Variants in KIF6 observed in about 807,000 individuals in gnomAD.
KIF6 encodes the protein kinesin family member 6.
Under a neutral mutation model 112.7 loss-of-function variants are expected in KIF6, and 106 were observed. The observed-to-expected ratio is 0.94, with a 90% CI of 0.80 to 1.11. KIF6 has a LOEUF of 1.11. Among genes scored for constraint, KIF6 ranks in the 50% least tolerant of loss-of-function variants. The probability of loss-of-function intolerance (pLI) is 0.00; values close to 1 mark genes in which losing one functional copy is unlikely to be tolerated. For missense variants in KIF6, 929 were observed against 964.0 expected (o/e 0.96, Z 0.48); for synonymous variants, 339 against 339.9 (o/e 1.00, Z 0.03).
chr6:39,364,647 T>C (rs1765429747), intron 16 of KIF6, among the ~76,000 whole-genome samples: 1 of 152,194 alleles, frequency 6.6e-6, no homozygotes, highest in African/African-American at 2.4e-5. Flanking sequence ...GGACTTTCTA[T>C]GTTCTAAGTT....
intron 6 of KIF6, among the ~76,000 whole-genome samples, chr6:39,607,814 TAACA>T (rs1303360110): frequency 1.3e-5 from 2 of 152,228 alleles, no homozygotes; most frequent in East Asian, 3.8e-4. Context: ...ACAAATTTTA[TAACA>T]AACTTGCTAA....
intron 14 of KIF6, among the ~76,000 whole-genome samples, chr6:39,429,775 G>A (rs577188029): frequency 6.6e-6 from 1 of 152,072 alleles, no homozygotes; most frequent in Non-Finnish European, 1.5e-5. Flanking sequence ...AGGTGTGGTG[G>A]CGGGTGCCTG....
intron 6 of KIF6, among the ~76,000 whole-genome samples, chr6:39,597,442 A>G (rs1027791006): frequency 6.6e-6 from 1 of 152,232 alleles, no homozygotes; most frequent in African/African-American, 2.4e-5. Flanking sequence ...AGGAGCAGAC[A>G]GCTAGGTCAG....
At chr6:39,680,002 G>A (rs1387191764) in intron 3 of KIF6, among the ~76,000 whole-genome samples, 1 of 150,882 alleles carries the variant, frequency 6.6e-6, no homozygotes, top group Non-Finnish European at 1.5e-5. Context: ...AACAAGTATA[G>A]TTAGTTTTTT....
chr6:39,697,408 A>T (rs566878890), intron 3 of KIF6, among the ~76,000 whole-genome samples: 2 of 152,214 alleles, frequency 1.3e-5, no homozygotes, highest in Non-Finnish European at 2.9e-5. Context: ...GGAAACTGAG[A>T]CTGAAGTCAA....
Position 39,331,997 on chromosome 6 carries a change from G to C in KIF6, c.*4535C>G, listed in dbSNP as rs1762758521. 1 of 151,036 alleles carries C rather than the reference G, an allele frequency of 6.6e-6. No individual in the cohort carries two copies. Among genetic ancestry groups the C allele is most frequent in the African/African-American group, 2.4e-5 (1 of 40,976 alleles). The allele number at this position is 151,036 out of a possible 1,614,324, so 9.4% of individuals were successfully genotyped here. On this transcript the variant is annotated 3_prime_UTR_variant, in exon 23 of 23. Transcript: ENST00000287152. ...AGTTTCACTCTTGTTGCCCAAGCTG[G>C]AGTGCAATGGCACAATTTCGGCTCA...
intron 3 of KIF6, among the ~76,000 whole-genome samples, chr6:39,662,409 A>T (rs1786205744): frequency 6.6e-6 from 1 of 152,216 alleles, no homozygotes; most frequent in African/African-American, 2.4e-5. Flanking sequence ...TAATTAGCTA[A>T]ATTAGAATTG....
intron 13 of KIF6, among the ~76,000 whole-genome samples, chr6:39,449,112 C>T (rs1204702022): frequency 6.6e-6 from 1 of 152,210 alleles, no homozygotes; most frequent in African/African-American, 2.4e-5. Context: ...CAAGTCGTTG[C>T]CATTTCTTCT....
intron 13 of KIF6, among the ~76,000 whole-genome samples, chr6:39,502,553 C>T (rs1002927191): frequency 1.3e-5 from 2 of 152,108 alleles, no homozygotes; most frequent in Non-Finnish European, 2.9e-5. Context: ...GAATGGCAAG[C>T]AGGATAAAAA....
At chr6:39,452,585 G>T (rs1193058649) in intron 13 of KIF6, among the ~76,000 whole-genome samples, 3 of 152,210 alleles carry the variant, frequency 2.0e-5, no homozygotes, top group Admixed American at 2.0e-4. Context: ...GGGGCTCCCA[G>T]TCTGGCACAA....
Position 39,691,033 on chromosome 6 carries a change from C to T in KIF6, c.251+23659G>A, listed in dbSNP as rs553782240. ...AATTTTATGGGTATGACCCATGCAA[C>T]ATTTGGGACATATTTATACTAAAAA... On this transcript the variant is annotated intron_variant, in intron 3 of 22. Transcript: ENST00000287152. The T allele has an allele frequency of 2.6e-3, 393 of 152,308 alleles. 3 individuals carry two copies. Among genetic ancestry groups the T allele is most frequent in the African/African-American group, 8.5e-3 (355 of 41,558 alleles). The allele number at this position is 152,308 out of a possible 1,614,324, so 9.4% of individuals were successfully genotyped here.
intron 12 of KIF6, among the ~76,000 whole-genome samples, chr6:39,541,968 A>G (rs192761046): frequency 6.6e-6 from 1 of 152,192 alleles, no homozygotes; most frequent in Admixed American, 6.5e-5. Flanking sequence ...AAATGTTGAT[A>G]GTGCCAAGGC....
rs1491446959 is a variant in KIF6, at chr6:39,337,158, T to TCCTTCCTTCCTTC, written c.2429-611_2429-610insGAAGGAAGGAAGG. Among the ~76,000 whole-genome samples, 84 of 71,216 alleles carry TCCTTCCTTCCTTC rather than the reference T, an allele frequency of 1.2e-3. 3 individuals are homozygous for TCCTTCCTTCCTTC. The highest frequency in any genetic ancestry group is 3.4e-3 in the East Asian group (9 of 2,610). 46.7% of individuals were successfully genotyped at this position (71,216 alleles called of 152,430 possible). On this transcript the variant is annotated intron_variant, in intron 22 of 22. Transcript: ENST00000287152. ...TTCCTTCCTTCCTTTCTCTTTCTTT[T>TCCTTCCTTCCTTC]CTTTCTTTCCTTCCTTCTTTCTTTC...
At chr6:39,653,564 A>T (rs899732106) in intron 3 of KIF6, among the ~76,000 whole-genome samples, 3 of 152,238 alleles carry the variant, frequency 2.0e-5, no homozygotes, top group Non-Finnish European at 4.4e-5. Context: ...GATGCCTGAC[A>T]TCTAAAAACT....
chr6:39,417,406 A>G (rs10947809), intron 15 of KIF6, among the ~76,000 whole-genome samples: 113,233 of 152,230 alleles, frequency 0.74, 45,085 homozygotes, highest in South Asian at 0.9. Context: ...CACTGAATTA[A>G]CTATGTTCTT....
intron 5 of KIF6, among the ~76,000 whole-genome samples, chr6:39,626,041 G>A (rs993077880): frequency 6.6e-6 from 1 of 152,080 alleles, no homozygotes; most frequent in African/African-American, 2.4e-5. Flanking sequence ...AAAGCAGCGG[G>A]CACATGAATG....
chr6:39,476,965 T>C (rs1290962107), intron 13 of KIF6, among the ~76,000 whole-genome samples: 1 of 152,210 alleles, frequency 6.6e-6, no homozygotes, highest in East Asian at 1.9e-4. Context: ...CTTCTTCATA[T>C]AAACATTTAC....
At chr6:39,716,733 C>T (rs1789875632) in intron 2 of KIF6, among the ~76,000 whole-genome samples, 2 of 152,142 alleles carry the variant, frequency 1.3e-5, no homozygotes, top group African/African-American at 4.8e-5. Flanking sequence ...GAGGTCTTTT[C>T]ATTTGTTAGG....
chr6:39,400,426 T>A (rs1768606295), intron 15 of KIF6, among the ~76,000 whole-genome samples: 2 of 152,206 alleles, frequency 1.3e-5, no homozygotes, highest in African/African-American at 2.4e-5. Flanking sequence ...CTTAAAAATA[T>A]CAAAAGCAAG....
Sources: allele counts gnomAD v4.1 joint callset (sites outside exome capture counted in the v4.1 genomes callset), GRCh38; gene constraint gnomAD v4.1.1; transcripts MANE v1.5; gene names NCBI Gene and HGNC (gene_info 2026-07-23, HGNC 2026-07-21).